The following SYNPO2 variants were observed in gnomAD, a reference collection of about 807,000 sequenced individuals.
SYNPO2 encodes synaptopodin-2.
SYNPO2 carries 56 observed loss-of-function variants against 85.0 expected under a neutral mutation model. That is an observed-to-expected ratio of 0.66 (90% CI 0.53 to 0.82). The LOEUF (loss-of-function observed/expected upper bound fraction) is 0.82, where lower values mean the gene tolerates loss of function less well. SYNPO2 is among the 40% of genes least tolerant of loss of function. The pLI is 0.00. For missense variants in SYNPO2, 1,575 were observed against 1,534.2 expected (o/e 1.03, Z -0.44); for synonymous variants, 602 against 591.1 (o/e 1.02, Z -0.27).
upstream of SYNPO2, among the ~76,000 whole-genome samples, chr4:118,888,348 G>A (rs1304899009): frequency 4.6e-5 from 7 of 152,094 alleles, no homozygotes; most frequent in Non-Finnish European, 1.0e-4. Flanking sequence ...AGAGCTGGAG[G>A]TTTATTAACA....
At chr4:118,946,441 T>C (rs1026129706) in intron 1 of SYNPO2, among the ~76,000 whole-genome samples, 18 of 124,718 alleles carry the variant, frequency 1.4e-4, no homozygotes, top group African/African-American at 4.8e-4. Flanking sequence ...GAAAGGTCAG[T>C]GAGAGTCTTA....
At chr4:119,050,031 T>TA (rs78237609) in intron 4 of SYNPO2, among the ~76,000 whole-genome samples, 40 of 152,096 alleles carry the variant, frequency 2.6e-4, no homozygotes, top group South Asian at 1.0e-3. Context: ...ATCTTTTTTT[T>TA]AAAAAAAAGA....
chr4:118,893,483 G>A (rs1732440149), intron 1 of SYNPO2, among the ~76,000 whole-genome samples: 1 of 152,146 alleles, frequency 6.6e-6, no homozygotes. Context: ...AGGAAATTGT[G>A]GCACAGAAAG....
intron 1 of SYNPO2, among the ~76,000 whole-genome samples, chr4:118,923,795 C>T (rs1257545663): frequency 6.6e-6 from 1 of 151,326 alleles, no homozygotes; most frequent in African/African-American, 2.4e-5. Flanking sequence ...CTTTGTGCTA[C>T]CCCTATATTG....
At chr4:118,976,018 C>T (rs1261343153) in intron 1 of SYNPO2, among the ~76,000 whole-genome samples, 1 of 152,232 alleles carries the variant, frequency 6.6e-6, no homozygotes, top group East Asian at 1.9e-4. Flanking sequence ...TCCCTGTCCC[C>T]TACCAGAGCT....
intron 1 of SYNPO2, among the ~76,000 whole-genome samples, chr4:119,012,730 T>C (rs1737371867): frequency 6.6e-6 from 1 of 152,224 alleles, no homozygotes; most frequent in Non-Finnish European, 1.5e-5. Context: ...CATTAACTCC[T>C]TCTTTTTTAG....
chr4:119,034,924 C>A, intron 4 of SYNPO2: 1 of 985,404 alleles, frequency 1.0e-6, no homozygotes, highest in Non-Finnish European at 1.2e-6. Context: ...TTGGTTGGTC[C>A]GCTGGTTATG....
intron 1 of SYNPO2, among the ~76,000 whole-genome samples, chr4:118,918,244 G>A (rs1341247618): frequency 1.3e-5 from 2 of 152,002 alleles, no homozygotes; most frequent in African/African-American, 2.4e-5. Context: ...ATGTCTTAAT[G>A]TTTGCTGAAA....
upstream of SYNPO2, among the ~76,000 whole-genome samples, chr4:118,888,342 C>A (rs1316559912): frequency 6.6e-6 from 1 of 152,150 alleles, no homozygotes; most frequent in African/African-American, 2.4e-5. Context: ...CTTTTCAGAG[C>A]TGGAGGTTTA....
chr4:119,008,071 G>A (rs1423842625), intron 1 of SYNPO2, among the ~76,000 whole-genome samples: 1 of 152,128 alleles, frequency 6.6e-6, no homozygotes, highest in African/African-American at 2.4e-5. Context: ...ATTTCTGAGA[G>A]GCTTTGTTCA....
At chr4:119,037,135 T>C in intron 4 of SYNPO2, 1 of 1,544,134 alleles carries the variant, frequency 6.5e-7, no homozygotes, top group Non-Finnish European at 8.8e-7. Context: ...CTGGGATCCA[T>C]AGTCAAGATA....
At position 118,857,994 on chromosome 4, in the gene SYNPO2, A is replaced by G. The variant is rs958037277; in HGVS notation, c.12+7054A>G. 7.2e-5 allele frequency among the ~76,000 whole-genome samples: 11 copies of G among 152,304 alleles called. No individual in the cohort carries two copies. In the East Asian group the frequency reaches 2.1e-3, roughly 29 times the overall value. On this transcript the variant is annotated intron_variant, in intron 1 of 4. Coordinates refer to the SYNPO2 transcript ENST00000610556. The stretch of plus-strand genomic sequence containing the variant: ...TGCACTTTCTGCTTTCATGTTATTG[A>G]AAAACACAGGGCTTTCTGGCCGTTA...
At chr4:118,914,265 A>T (rs1733237222) in intron 1 of SYNPO2, among the ~76,000 whole-genome samples, 2 of 152,188 alleles carry the variant, frequency 1.3e-5, no homozygotes, top group South Asian at 4.1e-4. Flanking sequence ...GGAGATTTTT[A>T]ATGCAGAATT....
intron 1 of SYNPO2, among the ~76,000 whole-genome samples, chr4:118,962,343 T>G (rs1735131296): frequency 6.6e-6 from 1 of 152,238 alleles, no homozygotes; most frequent in Non-Finnish European, 1.5e-5. Flanking sequence ...GCTTTTTTAC[T>G]AGAGGCAGAT....
chr4:118,933,736 A>T (rs1215586706), intron 1 of SYNPO2, among the ~76,000 whole-genome samples: 2 of 151,958 alleles, frequency 1.3e-5, no homozygotes, highest in African/African-American at 4.8e-5. Flanking sequence ...TCAAATCAAG[A>T]AATTATTTAA....
intron 1 of SYNPO2, among the ~76,000 whole-genome samples, chr4:118,952,606 A>C (rs1447372206): frequency 6.6e-6 from 1 of 152,156 alleles, no homozygotes; most frequent in African/African-American, 2.4e-5. Flanking sequence ...ATTGGTAAAA[A>C]TATCAGAAAT....
intron 3 of SYNPO2, 49 bp from the exon 4 acceptor site, chr4:119,029,796 C>T: frequency 6.6e-7 from 1 of 1,505,796 alleles, no homozygotes; most frequent in Non-Finnish European, 8.8e-7. Context: ...GTGGTGTCTT[C>T]CTTGAACTCA....
chr4:118,884,552 A>G (rs796139672), upstream of SYNPO2, among the ~76,000 whole-genome samples: 22 of 152,284 alleles, frequency 1.4e-4, no homozygotes, highest in African/African-American at 4.6e-4. Flanking sequence ...GGGTGGGAGG[A>G]TCAATTCTAC....
In SYNPO2 at chr4:119,059,494, C is replaced by T. The variant is rs779901120; in HGVS notation, c.*1560C>T. On this transcript the variant is annotated 3_prime_UTR_variant, in exon 5 of 5. Coordinates refer to ENST00000307142, the MANE Select transcript of SYNPO2 (RefSeq NM_133477.3). Reference sequence around the variant, plus strand: ...CACCTGCTCCTTATTGCCATACCCACGAACTGTTAAATATAAAAAAATTCA... The same window carrying T: ...CACCTGCTCCTTATTGCCATACCCATGAACTGTTAAATATAAAAAAATTCA... 5.3e-5 allele frequency: 8 copies of T among 152,030 alleles called. No homozygotes were observed. Among genetic ancestry groups the T allele is most frequent in the Non-Finnish European group, 8.8e-5 (6 of 68,012 alleles). The allele number at this position is 152,030 out of a possible 1,614,324, so 9.4% of individuals were successfully genotyped here.
Sources: allele counts gnomAD v4.1 joint callset (sites outside exome capture counted in the v4.1 genomes callset), GRCh38; gene constraint gnomAD v4.1.1; transcripts MANE v1.5; gene names NCBI Gene and HGNC (gene_info 2026-07-23, HGNC 2026-07-21).